The following SATL1 variants were observed in gnomAD, a reference collection of about 807,000 sequenced individuals.
SATL1 encodes spermidine/spermine N1-acetyl transferase like 1.
Under a neutral mutation model 51.8 loss-of-function variants are expected in SATL1, and 47 were observed. The ratio of observed to expected loss-of-function variants is 0.91; its 90% confidence interval spans 0.72 to 1.16. The LOEUF (loss-of-function observed/expected upper bound fraction) is 1.16. Ranked by LOEUF, SATL1 falls within the 50% of genes most tolerant of loss-of-function variation. The probability of loss-of-function intolerance (pLI) is 0.00; values close to 1 mark genes in which losing one functional copy is unlikely to be tolerated. For synonymous variants in SATL1, 176 were observed against 182.4 expected (o/e 0.97, Z 0.28); for missense variants, 520 against 526.4 (o/e 0.99, Z 0.12).
chrX:85,094,364 A>G, intron 5 of SATL1, 135 bp from the exon 6 acceptor site: 1 of 444,321 alleles, frequency 2.3e-6, no homozygotes, highest in Non-Finnish European at 4.0e-6. Flanking sequence ...TAACAATACA[A>G]AAACATATAG....
At chrX:85,144,049 T>G (rs991736705) in intron 2 of SATL1, among the ~76,000 whole-genome samples, 4 of 111,838 alleles carry the variant, frequency 3.6e-5, no homozygotes, top group Admixed American at 1.9e-4. Flanking sequence ...GTACAACTTT[T>G]TTTTTCTAAA....
At chrX:85,149,865 A>G (rs1422660770) in intron 2 of SATL1, among the ~76,000 whole-genome samples, 1 of 112,219 alleles carries the variant, frequency 8.9e-6, no homozygotes, top group Non-Finnish European at 1.9e-5. Flanking sequence ...GAAAGCAGGA[A>G]AGATCTAAAA....
chrX:85,105,133 A>C (rs1014747087), intron 3 of SATL1, among the ~76,000 whole-genome samples: 1 of 111,832 alleles, frequency 8.9e-6, no homozygotes, highest in South Asian at 3.8e-4. Flanking sequence ...CTGGAATTGC[A>C]TTAAACTTTT....
intron 2 of SATL1, among the ~76,000 whole-genome samples, chrX:85,110,719 G>C (rs1334289162): frequency 8.9e-6 from 1 of 112,135 alleles, no homozygotes; most frequent in Non-Finnish European, 1.9e-5. Context: ...ATTGTACCTA[G>C]AGAGCCCATC....
At chrX:85,118,800 A>T (rs1925443013) in intron 2 of SATL1, among the ~76,000 whole-genome samples, 2 of 111,273 alleles carry the variant, frequency 1.8e-5, no homozygotes, top group South Asian at 7.5e-4. Context: ...GAGGTAATAC[A>T]TATGTTAATT....
At chrX:85,119,992 C>G (rs773822003) in intron 2 of SATL1, among the ~76,000 whole-genome samples, 45 of 112,128 alleles carry the variant, frequency 4.0e-4, no homozygotes, top group Admixed American at 1.1e-3. Flanking sequence ...TATGAAGTAA[C>G]TTGTTCTCAC....
intron 2 of SATL1, among the ~76,000 whole-genome samples, chrX:85,223,029 T>C (rs1347404660): frequency 8.9e-6 from 1 of 112,310 alleles, no homozygotes; most frequent in Non-Finnish European, 1.9e-5. Flanking sequence ...ACAAAGTTGT[T>C]CGAGCTGTTT....
chrX:85,195,551 G>A (rs1927539245), intron 2 of SATL1, among the ~76,000 whole-genome samples: 1 of 111,471 alleles, frequency 9.0e-6, no homozygotes, highest in South Asian at 3.7e-4. Flanking sequence ...AGTGGCTCAC[G>A]CCTGTAATCA....
intron 2 of SATL1, among the ~76,000 whole-genome samples, chrX:85,214,527 T>C (rs970848339): frequency 8.1e-5 from 9 of 111,428 alleles, no homozygotes; most frequent in African/African-American, 2.9e-4. Context: ...CTAAGTATCA[T>C]GTCCTTCTCA....
rs772774494 is a variant in SATL1, at chrX:85,168,515, C to T, written c.-313+55690G>A. Among the ~76,000 whole-genome samples, 8 of 111,335 alleles carry T rather than the reference C, an allele frequency of 7.2e-5. No homozygotes were observed. In the South Asian group the frequency reaches 2.6e-3, roughly 37 times the overall value. ...AGCTGAGAGCCAAATCAGGAATGAA[C>T]TCCCATTTACAATTGCCACAAAAAG... On this transcript the variant is annotated intron_variant, in intron 2 of 7. Coordinates refer to ENST00000644105, the MANE Select transcript of SATL1 (RefSeq NM_001367857.2).
At chrX:85,145,270 T>A (rs778066939) in intron 2 of SATL1, among the ~76,000 whole-genome samples, 1 of 111,435 alleles carries the variant, frequency 9.0e-6, no homozygotes, top group Non-Finnish European at 1.9e-5. Flanking sequence ...GTACTGTGCA[T>A]CTTGTCAAAT....
At chrX:85,100,887 C>T (rs746884173) in intron 4 of SATL1, among the ~76,000 whole-genome samples, 9 of 111,970 alleles carry the variant, frequency 8.0e-5, no homozygotes, top group Non-Finnish European at 1.5e-4. Context: ...ATAGAGACCT[C>T]AGAAACAAAC....
chrX:85,241,936 T>C (rs1928607274), intron 1 of SATL1, among the ~76,000 whole-genome samples: 1 of 111,926 alleles, frequency 8.9e-6, no homozygotes, highest in South Asian at 3.7e-4. Flanking sequence ...ATTTTTGATT[T>C]GGGAATTTGG....
intron 2 of SATL1, among the ~76,000 whole-genome samples, chrX:85,157,592 C>T (rs1374617660): frequency 1.8e-5 from 2 of 110,944 alleles, no homozygotes; most frequent in African/African-American, 3.3e-5. Flanking sequence ...TTCAAATCTC[C>T]GAGTTGACAT....
At chrX:85,146,992 G>A (rs184964762) in intron 2 of SATL1, among the ~76,000 whole-genome samples, 224 of 112,704 alleles carry the variant, frequency 2.0e-3, no homozygotes, top group African/African-American at 6.6e-3. Flanking sequence ...GCAGCGCACC[G>A]TGCGAGAGCC....
rs141781891 is a variant in SATL1, at chrX:85,107,395, C to T, written c.1574G>A (p.Ser525Asn). The change falls in exon 3 of 8, where the codon AGC (serine) becomes AAC (asparagine). Residue 525 changes from serine (S) to asparagine (N), a missense_variant. This residue lies in a region of SATL1 where 488 missense variants were observed against 474.3 expected (regional missense o/e 1.03). Transcript: ENST00000644105. ...SVSQMGMRQT[S>N]MDYFQIRHAE... is the part of the protein sequence containing the mutation. Reference sequence around the variant, plus strand: ...ATGTCTTATTTGAAAGTAATCCATGCTTGTTTGCCTCATGCCCATTTGGCT... The same window carrying T: ...ATGTCTTATTTGAAAGTAATCCATGTTTGTTTGCCTCATGCCCATTTGGCT... 901 of 1,211,169 alleles carry T rather than the reference C, an allele frequency of 7.4e-4. 1 individual carries two copies. The highest frequency in any genetic ancestry group is 9.5e-4 in the Non-Finnish European group (855 of 895,446).
At chrX:85,093,409 G>T in intron 6 of SATL1, 184 bp from the exon 7 acceptor site, 1 of 417,047 alleles carries the variant, frequency 2.4e-6, no homozygotes, top group Non-Finnish European at 4.1e-6. Flanking sequence ...CGTACCAAAG[G>T]TCATAGAAGA....
chrX:85,120,616 T>C (rs1463233013), intron 2 of SATL1, among the ~76,000 whole-genome samples: 1 of 111,874 alleles, frequency 8.9e-6, no homozygotes, highest in Non-Finnish European at 1.9e-5. Flanking sequence ...ACTTTGGAAC[T>C]TGAAAAATCA....
At chrX:85,213,079 C>T (rs922070150) in intron 2 of SATL1, among the ~76,000 whole-genome samples, 9 of 110,932 alleles carry the variant, frequency 8.1e-5, no homozygotes, top group Non-Finnish European at 1.3e-4. Context: ...ATACTTAATA[C>T]GTATTAACAT....
Sources: gnomAD v4.1 joint callset for allele counts (sites outside exome capture counted in the v4.1 genomes callset) on GRCh38, gnomAD v4.1.1 for gene constraint, gnomAD v4.1.1 regional missense constraint, MANE v1.5 for transcripts, NCBI Gene and HGNC (gene_info 2026-07-23, HGNC 2026-07-21) for gene names.